The following ANHX variants were observed in gnomAD, a reference collection of about 807,000 sequenced individuals.
ANHX encodes anomalous homeobox protein.
Under a neutral mutation model 38.9 loss-of-function variants are expected in ANHX, and 20 were observed. That is an observed-to-expected ratio of 0.51 (90% confidence interval 0.36 to 0.75). The LOEUF is 0.75. Among genes scored for constraint, ANHX ranks in the 30% least tolerant of loss-of-function variants. The probability of loss-of-function intolerance (pLI) is 0.00; values close to 1 mark genes in which losing one functional copy is unlikely to be tolerated. For synonymous variants in ANHX, 185 were observed against 203.1 expected (o/e 0.91, Z 0.76); for missense variants, 475 against 493.1 (o/e 0.96, Z 0.35).
At chr12:133,229,596 C>A (rs1159167799) in intron 3 of ANHX, among the ~76,000 whole-genome samples, 2 of 152,110 alleles carry the variant, frequency 1.3e-5, no homozygotes, top group Non-Finnish European at 2.9e-5. Context: ...ACACAACACT[C>A]TCCACTTTCC....
chr12:133,221,237 T>TG lies in ANHX; in HGVS notation c.1247dup (p.Leu417ThrfsTer5). The TG allele has an allele frequency of 2.0e-6, 3 of 1,536,006 alleles. No individual in the cohort carries two copies. In the South Asian group the frequency reaches 3.6e-5, roughly 18 times the overall value. On this transcript the variant is annotated frameshift_variant, in exon 8 of 10. Coordinates refer to ENST00000545940, the MANE Select transcript of ANHX (RefSeq NM_001372060.1). LOFTEE classifies it high-confidence loss of function. The surrounding 1 kb of genome is among the most constrained non-coding windows in gnomAD (Gnocchi z 4.1). Reference sequence around the variant, plus strand: ...TGAGGATGAATTCAGGAGCTTGCAGTGGGGGCTGTGTCACCAGGAAGCTGC... The same window carrying TG: ...TGAGGATGAATTCAGGAGCTTGCAGTGGGGGGCTGTGTCACCAGGAAGCTGC...
In ANHX at chr12:133,226,956, A is replaced by C; in HGVS notation, c.698T>G (p.Val233Gly). 1 of 1,530,216 alleles carries C rather than the reference A, an allele frequency of 6.5e-7. No individual in the cohort carries two copies. The highest frequency in any genetic ancestry group is 8.7e-7 in the Non-Finnish European group (1 of 1,143,412). 94.8% of individuals were successfully genotyped at this position (1,530,216 alleles called of 1,614,324 possible). A position where few individuals can be genotyped will look rare whatever the true frequency, so the allele number is the denominator to read the frequency against. ...SGNPRVDSGF[V>G]DRPQWSEERE... is the part of the protein sequence containing the mutation. ...CTCACCTGACCACTGAGGCCTGTCC[A>C]CAAACCCAGAGTCAACACGGGGGTT... is the stretch of plus-strand genomic sequence containing the variant. Residue 233 changes from valine (V) to glycine (G), a missense_variant, in exon 5 of 10, where the codon GTG becomes GGG. Val to Gly is a moderately radical substitution (Grantham distance 109). Coordinates refer to ENST00000545940, the MANE Select transcript of ANHX (RefSeq NM_001372060.1).
chr12:133,230,015 A>T (rs572425033), intron 3 of ANHX, among the ~76,000 whole-genome samples: 434 of 152,348 alleles, frequency 2.8e-3, no homozygotes, highest in African/African-American at 9.6e-3. Context: ...GACTAGGACC[A>T]GCCTGCACTG....
At chr12:133,230,956 C>A (rs1180158634) in intron 3 of ANHX, among the ~76,000 whole-genome samples, 2 of 152,064 alleles carry the variant, frequency 1.3e-5, no homozygotes, top group African/African-American at 2.4e-5. Context: ...TAAGGACTAC[C>A]ACTTATTTAG....
At position 133,218,696 on chromosome 12, in the gene ANHX, A is replaced by G. The variant is rs1957067811; in HGVS notation, c.*189T>C. ...ATTTCTCAAATGCTTTCTCTACTAC[A>G]GGGAATTGCTAACCAAACTATTCAA... On this transcript the variant is annotated 3_prime_UTR_variant, in exon 10 of 10. Transcript: ENST00000545940. 4.3e-6 allele frequency: 2 copies of G among 462,632 alleles called. No homozygotes were observed. Among genetic ancestry groups the G allele is most frequent in the African/African-American group, 2.0e-5 (1 of 50,402 alleles). 28.7% of individuals were successfully genotyped at this position (462,632 alleles called of 1,614,324 possible). A position where few individuals can be genotyped will look rare whatever the true frequency, so the allele number is the denominator to read the frequency against.
intron 1 of ANHX, chr12:133,234,808 T>A (rs1186468195): frequency 5.7e-6 from 1 of 174,478 alleles, no homozygotes; most frequent in Non-Finnish European, 1.2e-5. Context: ...CACTTTGCAA[T>A]CACACGCTTG....
At chr12:133,224,701 C>G (rs1397952883) in intron 7 of ANHX, among the ~76,000 whole-genome samples, 3 of 146,480 alleles carry the variant, frequency 2.0e-5, no homozygotes, top group East Asian at 2.0e-4. Flanking sequence ...CGTGGTGGCT[C>G]ACGCCTGTAA....
intron 2 of ANHX, 126 bp from the exon 3 acceptor site, chr12:133,231,770 G>T: frequency 8.1e-7 from 1 of 1,231,672 alleles, no homozygotes; most frequent in Non-Finnish European, 1.1e-6. Flanking sequence ...AGGGTTCTGG[G>T]TTCAAATTCA....
In ANHX at chr12:133,218,787, T is replaced by C; in HGVS notation, c.*98A>G. ...CCCAGGGGAACTCTGGGGACCTTCA[T>C]TTTGTATTCAGGATAAAGCTCTGTA... On this transcript the variant is annotated 3_prime_UTR_variant, in exon 10 of 10. Coordinates refer to ENST00000545940, the MANE Select transcript of ANHX (RefSeq NM_001372060.1). 2 of 893,406 alleles carry C rather than the reference T, an allele frequency of 2.2e-6. No homozygotes were observed. The highest frequency in any genetic ancestry group is 3.1e-6 in the Non-Finnish European group (2 of 648,832). 55.3% of individuals were successfully genotyped at this position (893,406 alleles called of 1,614,324 possible).
At chr12:133,224,391 G>A (rs962814975) in intron 7 of ANHX, among the ~76,000 whole-genome samples, 2 of 152,224 alleles carry the variant, frequency 1.3e-5, no homozygotes, top group African/African-American at 4.8e-5. Context: ...GCTGGGCATG[G>A]TGGCTCACGC....
Position 133,218,952 on chromosome 12 carries a change from T to A in ANHX, c.1385A>T (p.Gln462Leu). The change falls in exon 10 of 10, where the codon CAG becomes CTG. Residue 462 changes from glutamine (Q) to leucine (L), a missense_variant. By Grantham distance (113) the Gln-to-Leu change is moderately radical. Coordinates refer to ENST00000545940, the MANE Select transcript of ANHX (RefSeq NM_001372060.1). ...PSSQVQCSDS[Q>L]ASGDAFWGAR... ...TCCCCAGAAGGCATCACCAGAGGCCTGGCTATCAGAACACTGCACCTGGAA... is the reference window on the plus strand; with the variant it reads ...TCCCCAGAAGGCATCACCAGAGGCCAGGCTATCAGAACACTGCACCTGGAA... The A allele has an allele frequency of 1.3e-6, 2 of 1,534,516 alleles. No individual in the cohort carries two copies. The highest frequency in any genetic ancestry group is 1.7e-6 in the Non-Finnish European group (2 of 1,145,740).
At position 133,219,389 on chromosome 12, in the gene ANHX, A is replaced by AATAGGCCCTATC; in HGVS notation, c.1281-34_1281-23dup. ...AGGGCTGGAAAAGAGACAGTGTAAGAATAGGCCCTATCTCAAGGGGACACT... is the reference window on the plus strand; with the variant it reads ...AGGGCTGGAAAAGAGACAGTGTAAGAATAGGCCCTATCATAGGCCCTATCTCAAGGGGACACT... On this transcript the variant is annotated intron_variant, in intron 8 of 9. Transcript: ENST00000545940. 3 of 1,478,252 alleles carry AATAGGCCCTATC rather than the reference A, an allele frequency of 2.0e-6. No individual in the cohort carries two copies. The South Asian group carries it at 3.9e-5, about 19-fold the overall frequency. The allele number at this position is 1,478,252 out of a possible 1,614,324, so 91.6% of individuals were successfully genotyped here.
At chr12:133,229,030 G>C (rs901779447) in intron 3 of ANHX, among the ~76,000 whole-genome samples, 1 of 152,148 alleles carries the variant, frequency 6.6e-6, no homozygotes, top group African/African-American at 2.4e-5. Flanking sequence ...ACTGGCTTCT[G>C]AACTCTGCAC....
rs555648876 is a variant in ANHX, at chr12:133,234,340, G to C, written c.17C>G (p.Thr6Ser). The change falls in exon 2 of 10, where the codon ACT becomes AGT. Residue 6 changes from threonine (T) to serine (S), a missense_variant. By Grantham distance (58) the Thr-to-Ser change is moderately conservative. Coordinates refer to ENST00000545940, the MANE Select transcript of ANHX (RefSeq NM_001372060.1). ...GGTGTCCTCATGCTCCTTCAGCAGA[G>C]TCAGGAAGCTCTGCATCCTGTGCTG... MQSFLTLLKEHEDTCA... is the reference protein window; with the variant it reads MQSFLSLLKEHEDTCA... The C allele has an allele frequency of 6.5e-7, 1 of 1,535,680 alleles. No individual in the cohort carries two copies. The highest frequency in any genetic ancestry group is 8.7e-7 in the Non-Finnish European group (1 of 1,146,652).
Position 133,221,332 on chromosome 12 carries a change from C to T in ANHX, c.1153G>A (p.Gly385Ser), listed in dbSNP as rs1208720508. The change falls in exon 8 of 10, where the codon GGC becomes AGC. Residue 385 changes from glycine (G) to serine (S), a missense_variant. Physicochemically the swap from Gly to Ser is moderately conservative, Grantham distance 56. Transcript: ENST00000545940. The surrounding 1 kb of genome is among the most constrained non-coding windows in gnomAD (Gnocchi z 4.1). ...SPTGFSGPPS[G>S]HPQSVQLEEG... Reference sequence around the variant, plus strand: ...TCCAATTGCACGCTCTGGGGATGGCCGCTGGGGGGGCCAGAAAACCCTGCA... The same window carrying T: ...TCCAATTGCACGCTCTGGGGATGGCTGCTGGGGGGGCCAGAAAACCCTGCA... 1.4e-5 allele frequency: 21 copies of T among 1,535,344 alleles called. No homozygotes were observed. Among genetic ancestry groups the T allele is most frequent in the African/African-American group, 4.1e-5 (3 of 72,972 alleles).
At chr12:133,219,191 T>G in intron 9 of ANHX, 92 bp downstream of exon 9, 1 of 1,206,034 alleles carries the variant, frequency 8.3e-7, no homozygotes, top group South Asian at 1.3e-5. Context: ...GTGTATTCAC[T>G]CCAGTGGCAC....
At chr12:133,222,845 G>C (rs1009684146) in intron 7 of ANHX, among the ~76,000 whole-genome samples, 2 of 152,188 alleles carry the variant, frequency 1.3e-5, no homozygotes, top group African/African-American at 4.8e-5. Flanking sequence ...AACAATCTAT[G>C]AAGGAAGAAG....
intron 2 of ANHX, 75 bp from the exon 3 acceptor site, chr12:133,231,719 C>A: frequency 6.6e-7 from 1 of 1,504,740 alleles, no homozygotes; most frequent in South Asian, 1.2e-5. Flanking sequence ...TCTGCCATCC[C>A]AAACCGACTC....
At chr12:133,228,898 T>C (rs1233151130) in intron 3 of ANHX, among the ~76,000 whole-genome samples, 2 of 152,218 alleles carry the variant, frequency 1.3e-5, no homozygotes, top group Admixed American at 6.5e-5. Context: ...TCACTGCCAC[T>C]GTCTCCTTGT....
Sources: gnomAD v4.1 joint callset for allele counts (sites outside exome capture counted in the v4.1 genomes callset) on GRCh38, gnomAD v4.1.1 for gene constraint, Gnocchi (gnomAD v3.1) non-coding constraint, MANE v1.5 for transcripts, NCBI Gene and HGNC (gene_info 2026-07-23, HGNC 2026-07-21) for gene names.